COPS3: variants seen among roughly 807,000 people sequenced by gnomAD.
COPS3 encodes COP9 signalosome subunit 3.
Under a neutral mutation model 58.2 loss-of-function variants are expected in COPS3, and 10 were observed. That is an observed-to-expected ratio of 0.17 (90% confidence interval 0.11 to 0.29). The LOEUF is 0.29. Among genes scored for constraint, COPS3 ranks in the 10% least tolerant of loss-of-function variants. The pLI is 1.00. For missense variants in COPS3, 333 were observed against 510.1 expected (o/e 0.65, Z 3.34); for synonymous variants, 187 against 181.7 (o/e 1.03, Z -0.24).
At chr17:17,275,054 C>A (rs989639695) in intron 2 of COPS3, among the ~76,000 whole-genome samples, 1 of 151,948 alleles carries the variant, frequency 6.6e-6, no homozygotes. Flanking sequence ...TCACTCTTGG[C>A]CCCCTTAGTA....
At chr17:17,259,679 G>A (rs1181424250) in intron 8 of COPS3, among the ~76,000 whole-genome samples, 2 of 152,124 alleles carry the variant, frequency 1.3e-5, no homozygotes, top group Non-Finnish European at 2.9e-5. Context: ...TGGATCACAT[G>A]AGCACAGGGG....
intron 1 of COPS3, chr17:17,280,838 G>A: frequency 8.2e-7 from 1 of 1,219,498 alleles, no homozygotes; most frequent in Non-Finnish European, 1.1e-6. Flanking sequence ...CGGAAGTCAC[G>A]CCCCCAAACT....
In COPS3 at chr17:17,248,507, G is replaced by A. The variant is rs182793438; in HGVS notation, c.1137+419C>T. On this transcript the variant is annotated intron_variant, in intron 10 of 11. Coordinates refer to ENST00000268717, the MANE Select transcript of COPS3 (RefSeq NM_003653.4). Reference sequence around the variant, plus strand: ...TTTTTTATTTTTTTTAGTAGAGACGGGGTTTTGCCATGTTGGGCAGGCTGG... The same window carrying A: ...TTTTTTATTTTTTTTAGTAGAGACGAGGTTTTGCCATGTTGGGCAGGCTGG... 3.9e-4 allele frequency among the ~76,000 whole-genome samples: 59 copies of A among 152,260 alleles called. 2 individuals are homozygous for A. In the Middle Eastern group the frequency reaches 0.027, roughly 70 times the overall value.
At chr17:17,251,739 T>C (rs115740940) in intron 9 of COPS3, among the ~76,000 whole-genome samples, 4,823 of 152,238 alleles carry the variant, frequency 0.032, 111 homozygotes, top group African/African-American at 0.064. Context: ...GTGCTGTGTG[T>C]TTCCTTCTAC....
Position 17,264,790 on chromosome 17 carries a change from T to C in COPS3, c.621+12A>G. ...GTTCAGAACAACCTCAGCTAATTTTTAGAGAGATTACCTGTTCATAAAAGT... is the reference window on the plus strand; with the variant it reads ...GTTCAGAACAACCTCAGCTAATTTTCAGAGAGATTACCTGTTCATAAAAGT... On this transcript the variant is annotated intron_variant, in intron 6 of 11. Coordinates refer to ENST00000268717, the MANE Select transcript of COPS3 (RefSeq NM_003653.4). 3 of 1,592,926 alleles carry C rather than the reference T, an allele frequency of 1.9e-6. No homozygotes were observed. Among genetic ancestry groups the C allele is most frequent in the Non-Finnish European group, 2.6e-6 (3 of 1,172,980 alleles).
chr17:17,268,852 AT>A (rs539890428), intron 4 of COPS3, among the ~76,000 whole-genome samples: 878 of 44,578 alleles, frequency 0.02, 8 homozygotes, highest in East Asian at 0.047. Flanking sequence ...AACAACAAAA[AT>A]ATATATATAT....
chr17:17,278,557 A>T (rs999952015), intron 1 of COPS3, among the ~76,000 whole-genome samples: 2 of 152,218 alleles, frequency 1.3e-5, no homozygotes, highest in African/African-American at 4.8e-5. Flanking sequence ...GGAAATACCA[A>T]CTCATCATCA....
chr17:17,264,716 C>G, intron 6 of COPS3, 86 bp downstream of exon 6: 1 of 1,155,864 alleles, frequency 8.7e-7, no homozygotes, highest in Non-Finnish European at 1.2e-6. Flanking sequence ...GCCCTGGGAT[C>G]AGACCACTCT....
At chr17:17,250,455 C>A (rs144365744) in intron 9 of COPS3, among the ~76,000 whole-genome samples, 19 of 152,140 alleles carry the variant, frequency 1.2e-4, no homozygotes, top group African/African-American at 4.3e-4. Flanking sequence ...GACGTTTTGC[C>A]ATGTTGGCCA....
At chr17:17,272,052 T>A (rs1206921500) in intron 2 of COPS3, among the ~76,000 whole-genome samples, 1 of 150,856 alleles carries the variant, frequency 6.6e-6, no homozygotes, top group Non-Finnish European at 1.5e-5. Context: ...AAGGCCAAGG[T>A]GGGCAGATGG....
At chr17:17,281,068 G>T in intron 1 of COPS3, 64 bp downstream of exon 1, 1 of 1,544,512 alleles carries the variant, frequency 6.5e-7, no homozygotes, top group East Asian at 2.3e-5. Flanking sequence ...CCGTGCTGGC[G>T]CCTGGGGATC....
chr17:17,264,222 A>C (rs1387920770), intron 6 of COPS3, among the ~76,000 whole-genome samples: 1 of 152,230 alleles, frequency 6.6e-6, no homozygotes, highest in African/African-American at 2.4e-5. Context: ...GGAACTTACG[A>C]ACATCTAACT....
At chr17:17,262,297 G>A (rs2048118602) in intron 6 of COPS3, among the ~76,000 whole-genome samples, 191 bp from the exon 7 acceptor site, 1 of 152,088 alleles carries the variant, frequency 6.6e-6, no homozygotes, top group Non-Finnish European at 1.5e-5. Flanking sequence ...GTCTCGCTCT[G>A]TCATCTAGGC....
At chr17:17,263,514 T>C (rs1379061437) in intron 6 of COPS3, among the ~76,000 whole-genome samples, 44 of 132,504 alleles carry the variant, frequency 3.3e-4, no homozygotes, top group African/African-American at 8.7e-4. Context: ...CCTTTTCTTT[T>C]TTTTTTTTTT....
At chr17:17,250,254 CTT>C (rs113179216) in intron 9 of COPS3, among the ~76,000 whole-genome samples, 10,313 of 127,452 alleles carry the variant, frequency 0.081, 376 homozygotes, top group East Asian at 0.22. Context: ...CTTACATCGC[CTT>C]TTTTTTTTTT....
chr17:17,263,805 C>T lies in COPS3; in HGVS notation c.621+997G>A, dbSNP rs2048164434. On this transcript the variant is annotated intron_variant, in intron 6 of 11. Transcript: ENST00000268717. ...CTGGGATTACAGGCGTGAGCCACCG[C>T]ACTCGGACGCCTCTTACCTTTTTAA... Among the ~76,000 whole-genome samples, 3 of 152,208 alleles carry T rather than the reference C, an allele frequency of 2.0e-5. No homozygotes were observed. In the South Asian group the frequency reaches 6.2e-4, roughly 32 times the overall value.
At chr17:17,259,238 C>G (rs984476312) in intron 8 of COPS3, among the ~76,000 whole-genome samples, 7 of 152,234 alleles carry the variant, frequency 4.6e-5, no homozygotes, top group Non-Finnish European at 1.0e-4. Flanking sequence ...GGAACAGATG[C>G]ACTGTGTTCT....
intron 8 of COPS3, 62 bp downstream of exon 8, chr17:17,260,239 G>T: frequency 6.6e-7 from 1 of 1,520,472 alleles, no homozygotes; most frequent in Admixed American, 1.8e-5. Flanking sequence ...AAAAGGGAGA[G>T]AAAGGGAAAC....
chr17:17,259,693 G>A (rs1054108000), intron 8 of COPS3, among the ~76,000 whole-genome samples: 4 of 152,078 alleles, frequency 2.6e-5, no homozygotes, highest in East Asian at 1.9e-4. Flanking sequence ...ACAGGGGTTC[G>A]AGACCGCCTG....
Sources: allele counts gnomAD v4.1 joint callset (sites outside exome capture counted in the v4.1 genomes callset), GRCh38; gene constraint gnomAD v4.1.1; transcripts MANE v1.5; gene names NCBI Gene and HGNC (gene_info 2026-07-23, HGNC 2026-07-21).